CAPN3: variants seen among roughly 807,000 people sequenced by gnomAD.
CAPN3 encodes calpain-3.
In CAPN3, 88 loss-of-function variants were observed where a neutral mutation model predicts 114.0. The ratio of observed to expected loss-of-function variants is 0.77; its 90% CI spans 0.65 to 0.92. The LOEUF is 0.92. Ranked by LOEUF, CAPN3 falls within the 40% of genes least tolerant of loss-of-function variation. The probability of loss-of-function intolerance (pLI) is 0.00; values close to 1 mark genes in which losing one functional copy is unlikely to be tolerated. For synonymous variants in CAPN3, 386 were observed against 382.9 expected (o/e 1.01, Z -0.09); for missense variants, 1,028 against 1,069.0 (o/e 0.96, Z 0.53).
chr15:42,403,935 G>A, intron 14 of CAPN3, 158 bp downstream of exon 14: 1 of 762,012 alleles, frequency 1.3e-6, no homozygotes, highest in South Asian at 1.4e-5. Flanking sequence ...TCCTACTTTG[G>A]CATGGCCAGA....
At position 42,409,834 on chromosome 15, in the gene CAPN3, C is replaced by A. The variant is rs200583904; in HGVS notation, c.2040C>A (p.Val680=). ...AGCTCAAGAAGGTCCTTAACACAGTCGTGAACAAACGTGAGTTGCTCAAAC... is the reference window on the plus strand; with the variant it reads ...AGCTCAAGAAGGTCCTTAACACAGTAGTGAACAAACGTGAGTTGCTCAAAC... The part of the protein sequence containing the change: ...ADELKKVLNT[V]VNKHKDLKTH... The change falls in exon 18 of 24, where the codon GTC becomes GTA. Residue 680 remains valine (V), a synonymous_variant. Coordinates refer to ENST00000397163, the MANE Select transcript of CAPN3 (RefSeq NM_000070.3). The A allele has an allele frequency of 2.6e-6, 4 of 1,518,110 alleles. No homozygotes were observed. Among genetic ancestry groups the A allele is most frequent in the South Asian group, 2.2e-5 (2 of 89,224 alleles). 94.0% of individuals were successfully genotyped at this position (1,518,110 alleles called of 1,614,324 possible). A position where few individuals can be genotyped will look rare whatever the true frequency, so the allele number is the denominator to read the frequency against.
At chr15:42,398,989 T>A in intron 9 of CAPN3, among the ~76,000 whole-genome samples, 1 of 152,110 alleles carries the variant, frequency 6.6e-6, no homozygotes, top group African/African-American at 2.4e-5. Context: ...TTCACCATGT[T>A]GGCCAAGCTG....
At chr15:42,378,722 T>C (rs923513735) in intron 1 of CAPN3, among the ~76,000 whole-genome samples, 11 of 152,144 alleles carry the variant, frequency 7.2e-5, no homozygotes, top group Admixed American at 3.3e-4. Flanking sequence ...TGTACTAAGA[T>C]GGAATATTGC....
At chr15:42,411,054 A>G in intron 22 of CAPN3, 54 bp downstream of exon 22, 1 of 1,368,182 alleles carries the variant, frequency 7.3e-7, no homozygotes. Context: ...AGTTGTGGCA[A>G]CAGGCATCTC....
chr15:42,379,791 A>T (rs935830747), intron 1 of CAPN3, among the ~76,000 whole-genome samples: 6 of 152,164 alleles, frequency 3.9e-5, no homozygotes, highest in African/African-American at 1.4e-4. Flanking sequence ...AGCATGATAT[A>T]TCCTTCTTTA....
Position 42,411,635 on chromosome 15 carries a change from G to T in CAPN3, c.2440-112G>T. ...CTGCTTCTTGGAAAATCTTCTGGGG[G>T]TCTGACCTGCTGGGACTGTTCCCTT... On this transcript the variant is annotated intron_variant, in intron 23 of 23. Transcript: ENST00000397163. 6.5e-6 allele frequency: 5 copies of T among 774,386 alleles called. No homozygotes were observed. The South Asian group carries it at 6.8e-5, about 11-fold the overall frequency. 48.0% of individuals were successfully genotyped at this position (774,386 alleles called of 1,614,324 possible).
At chr15:42,408,859 C>A (rs986579750) in intron 16 of CAPN3, 2 of 275,848 alleles carry the variant, frequency 7.3e-6, no homozygotes, top group African/African-American at 4.4e-5. Context: ...GGCCCCTCTT[C>A]TGTCTGGGAG....
chr15:42,380,425 G>C (rs1296073084), intron 1 of CAPN3, among the ~76,000 whole-genome samples: 1 of 120,680 alleles, frequency 8.3e-6, no homozygotes, highest in Admixed American at 1.0e-4. Context: ...CTGTCACCCA[G>C]GCTGGAGTGC....
At chr15:42,398,131 G>T (rs559751996) in intron 9 of CAPN3, among the ~76,000 whole-genome samples, 3 of 150,404 alleles carry the variant, frequency 2.0e-5, no homozygotes, top group East Asian at 1.9e-4. Context: ...CCCATATTTT[G>T]GGGGTACATA....
At chr15:42,389,429 G>A (rs2053494093) in intron 5 of CAPN3, among the ~76,000 whole-genome samples, 1 of 152,278 alleles carries the variant, frequency 6.6e-6, no homozygotes, top group Non-Finnish European at 1.5e-5. Context: ...CTGTGGACCT[G>A]AGCCCACCAT....
rs2054215280 is a variant in CAPN3 at position 42,411,204 on chromosome 15, CACATGGT to C, written c.2381-82_2381-76del. The C allele has an allele frequency of 4.2e-6, 5 of 1,189,946 alleles. No individual in the cohort carries two copies. The South Asian group carries it at 6.1e-5, about 14-fold the overall frequency. 73.7% of individuals were successfully genotyped at this position (1,189,946 alleles called of 1,614,324 possible). A position where few individuals can be genotyped will look rare whatever the true frequency, so the allele number is the denominator to read the frequency against. Reference sequence around the variant, plus strand: ...TGTGCTGATGAGGGACAGCACTGGGCACATGGTCCTCTGAGGGGAAGTTACAGTAGTA... The same window carrying C: ...TGTGCTGATGAGGGACAGCACTGGGCCCTCTGAGGGGAAGTTACAGTAGTA... On this transcript the variant is annotated intron_variant, in intron 22 of 23. Transcript: ENST00000397163.
intron 3 of CAPN3, among the ~76,000 whole-genome samples, chr15:42,387,059 G>A (rs1479012473): frequency 2.0e-5 from 3 of 152,106 alleles, no homozygotes; most frequent in South Asian, 2.1e-4. Flanking sequence ...CCCTCCTGCC[G>A]CCTTGGGAAC....
intron 19 of CAPN3, 55 bp from the exon 20 acceptor site, chr15:42,410,373 C>G (rs1460765812): frequency 6.4e-7 from 1 of 1,559,566 alleles, no homozygotes. Context: ...GACCCTCCCT[C>G]CAAATCCAGG....
At position 42,409,980 on chromosome 15, in the gene CAPN3, G is replaced by A; in HGVS notation, c.2100G>A (p.Met700Ile). The change falls in exon 19 of 24, where the codon ATG (methionine) becomes ATA (isoleucine). Residue 700 changes from methionine (M) to isoleucine (I), a missense_variant. By Grantham distance (10) the Met-to-Ile change is conservative. Coordinates refer to ENST00000397163, the MANE Select transcript of CAPN3 (RefSeq NM_000070.3). ...TCACACTGGAGTCCTGCCGTAGCAT[G>A]ATTGCGCTCATGGATGTATCCTTCC... Reference protein sequence around the residue: ...HGFTLESCRSMIALMDTDGSG... With the variant: ...HGFTLESCRSIIALMDTDGSG... 1 of 1,612,088 alleles carries A rather than the reference G, an allele frequency of 6.2e-7. No homozygotes were observed. Among genetic ancestry groups the A allele is most frequent in the East Asian group, 2.2e-5 (1 of 44,860 alleles).
chr15:42,390,790 GTTTT>G (rs373599109), intron 6 of CAPN3, among the ~76,000 whole-genome samples: 1 of 110,304 alleles, frequency 9.1e-6, no homozygotes. Flanking sequence ...TTGTTTTTTT[GTTTT>G]TTTTTTTTTT....
intron 6 of CAPN3, among the ~76,000 whole-genome samples, chr15:42,390,790 G>GTTT (rs373599109): frequency 6.3e-5 from 7 of 110,302 alleles, no homozygotes; most frequent in South Asian, 3.1e-4. Context: ...TTGTTTTTTT[G>GTTT]TTTTTTTTTT....
At chr15:42,405,374 G>A (rs1303883591) in intron 14 of CAPN3, among the ~76,000 whole-genome samples, 1 of 152,104 alleles carries the variant, frequency 6.6e-6, no homozygotes, top group Non-Finnish European at 1.5e-5. Flanking sequence ...GCAATGGCAT[G>A]ATCTCAGCTC....
intron 6 of CAPN3, among the ~76,000 whole-genome samples, chr15:42,390,774 TTTTTTTTG>T (rs1427523097): frequency 9.4e-5 from 14 of 149,424 alleles, no homozygotes; most frequent in Non-Finnish European, 1.9e-4. Context: ...TTTCAGTTAG[TTTTTTTTG>T]TTTTTTTGTT....
rs28364454 is a variant in CAPN3 at position 42,394,152 on chromosome 15, G to T, written c.1030-104G>T. The T allele has an allele frequency of 1.8e-5, 19 of 1,035,064 alleles. 1 individual carries two copies. The Admixed American group carries it at 3.4e-4, about 18-fold the overall frequency. The allele number at this position is 1,035,064 out of a possible 1,614,324, so 64.1% of individuals were successfully genotyped here. A position where few individuals can be genotyped will look rare whatever the true frequency, so the allele number is the denominator to read the frequency against. ...GGCCAGAGCCAGGCAGAACACCCTC[G>T]CGTAAGAGATTTGCCCCCCAGCCCC... On this transcript the variant is annotated intron_variant, in intron 7 of 23. Transcript: ENST00000397163.
Sources: allele counts gnomAD v4.1 joint callset (sites outside exome capture counted in the v4.1 genomes callset), GRCh38; gene constraint gnomAD v4.1.1; transcripts MANE v1.5; gene names NCBI Gene and HGNC (gene_info 2026-07-23, HGNC 2026-07-21).